NEK6: variants seen among roughly 807,000 people sequenced by gnomAD.
NEK6 encodes the protein NIMA related kinase 6.
NEK6 carries 27 observed loss-of-function variants against 43.5 expected under a neutral mutation model. The observed-to-expected ratio is 0.62, with a 90% CI of 0.46 to 0.86. The LOEUF (loss-of-function observed/expected upper bound fraction) is 0.86. Ranked by LOEUF, NEK6 falls within the 40% of genes least tolerant of loss-of-function variation. The probability of loss-of-function intolerance (pLI) is 0.00; values close to 1 mark genes in which losing one functional copy is unlikely to be tolerated. For missense variants in NEK6, 318 were observed against 414.4 expected, an observed-to-expected ratio of 0.77 and a Z score of 2.02; for synonymous variants, 167 against 164.1, an observed-to-expected ratio of 1.02 and a Z score of -0.14.
At position 124,301,918 on chromosome 9, in the gene NEK6, C is replaced by T. The variant is rs763421149; in HGVS notation, c.-29-18C>T. 3.2e-5 allele frequency: 49 copies of T among 1,547,662 alleles called. No individual in the cohort carries two copies. Among genetic ancestry groups the T allele is most frequent in the East Asian group, 9.7e-5 (4 of 41,376 alleles). On this transcript the variant is annotated intron_variant, in intron 1 of 9. Transcript: ENST00000320246. Reference sequence around the variant, plus strand: ...GGTCTCAAAGAGAAAGTGAACAGGCCGCTGTTTTCTGTTGCAGTTCGTGCC... The same window carrying T: ...GGTCTCAAAGAGAAAGTGAACAGGCTGCTGTTTTCTGTTGCAGTTCGTGCC...
intron 1 of NEK6, among the ~76,000 whole-genome samples, chr9:124,270,693 C>T (rs566793378): frequency 2.6e-5 from 4 of 152,232 alleles, no homozygotes; most frequent in African/African-American, 4.8e-5. Flanking sequence ...TGCCTGCATC[C>T]GGGCCCCTGC....
intron 8 of NEK6, among the ~76,000 whole-genome samples, chr9:124,347,464 T>G (rs935570736): frequency 2.0e-5 from 3 of 152,262 alleles, no homozygotes; most frequent in African/African-American, 2.4e-5. Flanking sequence ...CTTTATTGCC[T>G]TGAAAGTTTT....
chr9:124,296,056 C>T (rs1832674208), intron 1 of NEK6, among the ~76,000 whole-genome samples: 1 of 152,254 alleles, frequency 6.6e-6, no homozygotes, highest in South Asian at 2.1e-4. Context: ...GTGAGCTGTC[C>T]TTGCCGGGCC....
rs1367225956 is a variant in NEK6, at chr9:124,326,549, T to C, written c.514+111T>C. The C allele has an allele frequency of 1.3e-6, 1 of 758,610 alleles. No homozygotes were observed. The allele number at this position is 758,610 out of a possible 1,614,324, so 47.0% of individuals were successfully genotyped here. A position where few individuals can be genotyped will look rare whatever the true frequency, so the allele number is the denominator to read the frequency against. On this transcript the variant is annotated intron_variant, in intron 6 of 9. Coordinates refer to ENST00000320246, the MANE Select transcript of NEK6 (RefSeq NM_014397.6). This position sits in a 1 kb window ranked among gnomAD's most constrained non-coding sequence, Gnocchi z 4.5. ...CAGCCCCTTGAGGAAGTTGGACCGC[T>C]CTGTATTCCCCAGGCAAGGGGGCTG...
At chr9:124,282,479 G>A (rs527287754) in intron 1 of NEK6, among the ~76,000 whole-genome samples, 1 of 152,232 alleles carries the variant, frequency 6.6e-6, no homozygotes, top group Non-Finnish European at 1.5e-5. Context: ...CAAGGGTTTG[G>A]GGGGAACATT....
rs1834061979 is a variant in NEK6 at position 124,321,491 on chromosome 9, G to T, written c.327G>T (p.Leu109Phe). The part of the protein sequence containing the change: ...QLNHPNIIKY[L>F]DSFIEDNELN... ...ACCACCCAAATATCATCAAGTATTT[G>T]GACTCGTTTATCGAAGACAACGAGC... The change falls in exon 5 of 10, where the codon TTG (leucine) becomes TTT (phenylalanine). Residue 109 changes from leucine to phenylalanine, a missense_variant. Physicochemically the swap from Leu to Phe is conservative, Grantham distance 22. This residue lies in a region of NEK6 where 239 missense variants were observed against 344.4 expected (regional missense o/e 0.69). Transcript: ENST00000320246. The T allele has an allele frequency of 2.5e-6, 4 of 1,613,844 alleles. No individual in the cohort carries two copies. The highest frequency in any genetic ancestry group is 3.4e-6 in the Non-Finnish European group (4 of 1,179,752).
At chr9:124,311,268 T>G (rs1399329016) in intron 2 of NEK6, among the ~76,000 whole-genome samples, 6 of 152,180 alleles carry the variant, frequency 3.9e-5, no homozygotes, top group Non-Finnish European at 8.8e-5. Context: ...AAAGACCCAC[T>G]TCATGCTAGA....
intron 1 of NEK6, among the ~76,000 whole-genome samples, chr9:124,263,805 C>T (rs753110006): frequency 1.3e-5 from 2 of 152,208 alleles, no homozygotes; most frequent in Non-Finnish European, 2.9e-5. Context: ...ATTTAAGCAC[C>T]AGGGTGGCCC....
intron 2 of NEK6, among the ~76,000 whole-genome samples, chr9:124,307,562 G>A (rs1442890984): frequency 1.3e-5 from 2 of 152,182 alleles, no homozygotes; most frequent in South Asian, 2.1e-4. Flanking sequence ...CACAGCGAGT[G>A]GTGACACCGC....
chr9:124,300,318 C>T (rs1832899573), intron 1 of NEK6, among the ~76,000 whole-genome samples: 1 of 152,170 alleles, frequency 6.6e-6, no homozygotes, highest in Admixed American at 6.5e-5. Context: ...GGCCGGACCT[C>T]TAGGAGCTGG....
intron 4 of NEK6, among the ~76,000 whole-genome samples, chr9:124,315,009 T>G (rs1356116801): frequency 6.6e-6 from 1 of 152,270 alleles, no homozygotes; most frequent in Non-Finnish European, 1.5e-5. Context: ...AAAGTGGGAC[T>G]GCTGGTGGCA....
chr9:124,272,087 G>A lies in NEK6; in HGVS notation c.-30+14002G>A, dbSNP rs368588766. 7.2e-5 allele frequency among the ~76,000 whole-genome samples: 11 copies of A among 152,326 alleles called. No homozygotes were observed. In the East Asian group the frequency reaches 1.7e-3, roughly 24 times the overall value. ...TTTCCCAATCTATTGTGGTAAGGGT[G>A]TATAGTCCTCAGTTCCACGCCAGGC... On this transcript the variant is annotated intron_variant, in intron 1 of 9. Coordinates refer to ENST00000320246, the MANE Select transcript of NEK6 (RefSeq NM_014397.6).
intron 1 of NEK6, among the ~76,000 whole-genome samples, chr9:124,267,456 G>T (rs968018900): frequency 1.3e-5 from 2 of 152,242 alleles, no homozygotes; most frequent in Non-Finnish European, 2.9e-5. Flanking sequence ...GTCTCCTCCG[G>T]GAATGTAGTG....
intron 8 of NEK6, among the ~76,000 whole-genome samples, chr9:124,344,031 C>T (rs1042781476): frequency 6.6e-6 from 1 of 152,130 alleles, no homozygotes; most frequent in African/African-American, 2.4e-5. Flanking sequence ...GTTCTGGGGG[C>T]GAATCTGTTT....
chr9:124,268,964 G>A (rs115859429), intron 1 of NEK6, among the ~76,000 whole-genome samples: 252 of 152,222 alleles, frequency 1.7e-3, no homozygotes, highest in African/African-American at 5.4e-3. Context: ...GCAGAGTCTC[G>A]GCAGATGCGG....
At chr9:124,281,825 A>T (rs1377407658) in intron 1 of NEK6, among the ~76,000 whole-genome samples, 1 of 152,162 alleles carries the variant, frequency 6.6e-6, no homozygotes, top group Admixed American at 6.5e-5. Flanking sequence ...AAAGATGGTG[A>T]TACTAGGTGG....
chr9:124,330,740 GAC>G, intron 7 of NEK6, among the ~76,000 whole-genome samples: 1 of 152,216 alleles, frequency 6.6e-6, no homozygotes, highest in East Asian at 1.9e-4. Flanking sequence ...CGAGGGGACA[GAC>G]ACAGTCCATG....
intron 2 of NEK6, among the ~76,000 whole-genome samples, chr9:124,303,040 A>G (rs1833074491): frequency 6.6e-6 from 1 of 152,186 alleles, no homozygotes; most frequent in African/African-American, 2.4e-5. Flanking sequence ...TAAGGAGCTG[A>G]GCAGAAGAAC....
At chr9:124,321,717 C>T in intron 5 of NEK6, 148 bp downstream of exon 5, 1 of 603,732 alleles carries the variant, frequency 1.7e-6, no homozygotes, top group Non-Finnish European at 3.0e-6. Flanking sequence ...CAGATGCCCA[C>T]AGGCCTCAGC....
Sources: allele counts gnomAD v4.1 joint callset (sites outside exome capture counted in the v4.1 genomes callset), GRCh38; gene constraint gnomAD v4.1.1; regional missense constraint gnomAD v4.1.1; non-coding constraint Gnocchi (gnomAD v3.1); transcripts MANE v1.5; gene names NCBI Gene and HGNC (gene_info 2026-07-23, HGNC 2026-07-21).